TMEM260: variants seen among roughly 807,000 people sequenced by gnomAD.
TMEM260 encodes transmembrane protein 260, also known as protein O-mannosyl-transferase TMEM260.
Under a neutral mutation model 88.9 loss-of-function variants are expected in TMEM260, and 82 were observed. That is an observed-to-expected ratio of 0.92 (90% CI 0.77 to 1.11). TMEM260 has a LOEUF of 1.11. Ranked by LOEUF, TMEM260 falls within the 50% of genes least tolerant of loss-of-function variation. TMEM260 has a pLI of 0.00. For missense variants in TMEM260, 902 were observed against 853.4 expected (o/e 1.06, Z -0.71); for synonymous variants, 314 against 309.3 (o/e 1.02, Z -0.16).
rs749480739 is a variant in TMEM260 at position 56,585,760 on chromosome 14, G to C, written c.193-1G>C. 14 of 1,610,688 alleles carry C rather than the reference G, an allele frequency of 8.7e-6. No individual in the cohort carries two copies. The highest frequency in any genetic ancestry group is 1.2e-5 in the Non-Finnish European group (14 of 1,178,686). The stretch of plus-strand genomic sequence containing the variant: ...TCTAACTGTTGCTAATTTTTCCGTA[G>C]GTTGCCCATCCTCCTGGCTATCCTT... On this transcript the variant is annotated splice_acceptor_variant, in intron 2 of 15. Transcript: ENST00000261556. LOFTEE classifies it high-confidence loss of function.
chr14:56,586,687 A>G (rs1885526395), intron 3 of TMEM260, among the ~76,000 whole-genome samples: 1 of 152,128 alleles, frequency 6.6e-6, no homozygotes, highest in African/African-American at 2.4e-5. Context: ...GTCTTACTAT[A>G]AAACAAATGA....
the TMEM260 span, among the ~76,000 whole-genome samples, chr14:56,656,239 G>A: frequency 6.6e-6 from 1 of 152,058 alleles, no homozygotes; most frequent in African/African-American, 2.4e-5. Context: ...CAACACAGTT[G>A]AGACCTCATC....
intron 14 of TMEM260, 83 bp downstream of exon 14, chr14:56,635,035 A>AG (rs1283817678): frequency 1.7e-6 from 2 of 1,153,282 alleles, no homozygotes; most frequent in Non-Finnish European, 2.6e-6. Flanking sequence ...TTTTGAGAGT[A>AG]GGGGTGAGTA....
At position 56,648,402 on chromosome 14, in the gene TMEM260, C is replaced by G. The variant is rs568229292; in HGVS notation, c.*905C>G. On this transcript the variant is annotated 3_prime_UTR_variant, in exon 16 of 16. Coordinates refer to ENST00000261556, the MANE Select transcript of TMEM260 (RefSeq NM_017799.4). ...ATTATGACAGTTAATTAATAGCAAC[C>G]TGTTTTAATGAATAAAGTCACTCAG... 27 of 152,672 alleles carry G rather than the reference C, an allele frequency of 1.8e-4. No homozygotes were observed. The highest frequency in any genetic ancestry group is 6.5e-4 in the Admixed American group (10 of 15,290). 9.5% of individuals were successfully genotyped at this position (152,672 alleles called of 1,614,324 possible). A position where few individuals can be genotyped will look rare whatever the true frequency, so the allele number is the denominator to read the frequency against.
In TMEM260 at chr14:56,626,734, A is replaced by G. The variant is rs369469198; in HGVS notation, c.1547+1204A>G. 7.9e-5 allele frequency among the ~76,000 whole-genome samples: 12 copies of G among 152,314 alleles called. No individual in the cohort carries two copies. The East Asian group carries it at 2.3e-3, about 29-fold the overall frequency. On this transcript the variant is annotated intron_variant, in intron 12 of 15. Transcript: ENST00000261556. The stretch of plus-strand genomic sequence containing the variant: ...CATTCATTCAGCATTTATTTAATAA[A>G]AATTGCATGTCCAAAATGTTCCAAG...
chr14:56,605,485 T>A (rs3818777), intron 4 of TMEM260, 85 bp from the exon 5 acceptor site: 268,148 of 622,528 alleles, frequency 0.43, 61,043 homozygotes, highest in East Asian at 0.65. Context: ...GAATGCTTGG[T>A]TTTAATATAA....
intron 11 of TMEM260, among the ~76,000 whole-genome samples, chr14:56,623,016 A>G (rs370071494): frequency 4.6e-5 from 7 of 152,318 alleles, no homozygotes; most frequent in South Asian, 4.1e-4. Flanking sequence ...GTTGAGAAGC[A>G]TGGATTAGAA....
chr14:56,592,109 G>A (rs1391919472), intron 3 of TMEM260, among the ~76,000 whole-genome samples: 1 of 152,064 alleles, frequency 6.6e-6, no homozygotes, highest in Non-Finnish European at 1.5e-5. Context: ...TTATATAGCT[G>A]AAAATTCTGG....
intron 3 of TMEM260, among the ~76,000 whole-genome samples, chr14:56,596,035 C>T (rs948661179): frequency 2.6e-5 from 4 of 151,682 alleles, no homozygotes; most frequent in Admixed American, 2.6e-4. Flanking sequence ...TTAATTTTTC[C>T]CTTAATAGCA....
At position 56,636,618 on chromosome 14, in the gene TMEM260, GTAGATA is replaced by G. The variant is rs747452916; in HGVS notation, c.1869+29_1869+34del. The stretch of plus-strand genomic sequence containing the variant: ...TATGACGTATGTTACACTTTTATAT[GTAGATA>G]TAGATATATTTGGTGGGAAGGTGAT... On this transcript the variant is annotated intron_variant, in intron 15 of 15. Transcript: ENST00000261556. The G allele has an allele frequency of 1.1e-5, 18 of 1,589,434 alleles. No individual in the cohort carries two copies. The African/African-American group carries it at 1.9e-4, about 17-fold the overall frequency.
chr14:56,617,921 C>A (rs890433199), intron 9 of TMEM260, among the ~76,000 whole-genome samples: 30 of 152,190 alleles, frequency 2.0e-4, no homozygotes, highest in African/African-American at 7.2e-4. Flanking sequence ...ACTTTTATTA[C>A]TGATAATACT....
chr14:56,580,562 G>C lies in TMEM260; in HGVS notation c.160+488G>C, dbSNP rs145549460. Among the ~76,000 whole-genome samples, 983 of 152,278 alleles carry C rather than the reference G, an allele frequency of 6.5e-3. 10 individuals are homozygous for C. Among genetic ancestry groups the C allele is most frequent in the African/African-American group, 0.022 (899 of 41,542 alleles). On this transcript the variant is annotated intron_variant, in intron 1 of 15. Transcript: ENST00000261556. ...AGGAGGGAAATATGATTGAGAGTGG[G>C]GGTAAGTAGTGGGTCCTTCCGAATG...
At chr14:56,640,232 G>T (rs554153356) in intron 15 of TMEM260, among the ~76,000 whole-genome samples, 2 of 152,210 alleles carry the variant, frequency 1.3e-5, no homozygotes, top group African/African-American at 4.8e-5. Flanking sequence ...TAGCCTAAAT[G>T]GGAGGCACCC....
At chr14:56,642,938 A>G (rs1398294185) in intron 15 of TMEM260, among the ~76,000 whole-genome samples, 3 of 152,242 alleles carry the variant, frequency 2.0e-5, no homozygotes, top group Non-Finnish European at 4.4e-5. Context: ...TCCTGGAGAC[A>G]TACACGCTCC....
At chr14:56,580,330 C>G (rs557960477) in intron 1 of TMEM260, among the ~76,000 whole-genome samples, 1 of 152,226 alleles carries the variant, frequency 6.6e-6, no homozygotes, top group East Asian at 1.9e-4. Context: ...ATCGACCTCT[C>G]CACTTCCCCA....
At chr14:56,617,155 T>G in intron 8 of TMEM260, 28 bp from the exon 9 acceptor site, 1 of 1,336,984 alleles carries the variant, frequency 7.5e-7, no homozygotes. Flanking sequence ...TCTAAATATT[T>G]TAGACATATT....
chr14:56,579,985 G>T lies in TMEM260; in HGVS notation c.71G>T (p.Gly24Val), dbSNP rs1008719712. Residue 24 changes from glycine to valine, a missense_variant, in exon 1 of 16, where the codon GGG becomes GTG. Gly to Val is a moderately radical substitution (Grantham distance 109). Coordinates refer to ENST00000261556, the MANE Select transcript of TMEM260 (RefSeq NM_017799.4). ...RAVRVGLRRS[G>V]GIRGGVAVFA... ...GTCCGAGTGGGGCTGCGGCGCTCCGGGGGCATCCGCGGCGGCGTGGCGGTG... is the reference window on the plus strand; with the variant it reads ...GTCCGAGTGGGGCTGCGGCGCTCCGTGGGCATCCGCGGCGGCGTGGCGGTG... 6 of 1,245,358 alleles carry T rather than the reference G, an allele frequency of 4.8e-6. No homozygotes were observed. Among genetic ancestry groups the T allele is most frequent in the Non-Finnish European group, 6.1e-6 (6 of 989,184 alleles). 77.1% of individuals were successfully genotyped at this position (1,245,358 alleles called of 1,614,324 possible). A position where few individuals can be genotyped will look rare whatever the true frequency, so the allele number is the denominator to read the frequency against.
intron 5 of TMEM260, 71 bp from the exon 6 acceptor site, chr14:56,609,035 A>G: frequency 4.8e-6 from 7 of 1,464,620 alleles, no homozygotes; most frequent in African/African-American, 1.4e-5. Context: ...TTTCCTTGAT[A>G]TGTTCTTGAA....
At chr14:56,630,808 G>A (rs1888542382) in intron 12 of TMEM260, among the ~76,000 whole-genome samples, 1 of 152,130 alleles carries the variant, frequency 6.6e-6, no homozygotes, top group Non-Finnish European at 1.5e-5. Context: ...CAAGGAGAAT[G>A]ATGACTTTTT....
Sources: gnomAD v4.1 joint callset for allele counts (sites outside exome capture counted in the v4.1 genomes callset) on GRCh38, gnomAD v4.1.1 for gene constraint, MANE v1.5 for transcripts, NCBI Gene and HGNC (gene_info 2026-07-23, HGNC 2026-07-21) for gene names.